The following DAGLA variants were observed in gnomAD, a reference collection of about 807,000 sequenced individuals.
DAGLA encodes the protein diacylglycerol lipase-alpha.
Under a neutral mutation model 102.6 loss-of-function variants are expected in DAGLA, and 22 were observed. The observed-to-expected ratio is 0.21, with a 90% CI of 0.15 to 0.31. DAGLA has a LOEUF of 0.31. DAGLA is among the 10% of genes least tolerant of loss of function. The probability of loss-of-function intolerance (pLI) is 1.00; values close to 1 mark genes in which losing one functional copy is unlikely to be tolerated. For synonymous variants in DAGLA, 578 were observed against 628.9 expected (o/e 0.92, Z 1.21); for missense variants, 927 against 1,446.6 (o/e 0.64, Z 5.83).
intron 1 of DAGLA, among the ~76,000 whole-genome samples, chr11:61,697,636 A>G (rs1169613248): frequency 6.6e-6 from 1 of 152,040 alleles, no homozygotes; most frequent in African/African-American, 2.4e-5. Flanking sequence ...TCAGTGGCTC[A>G]GAGGTTCCTT....
At chr11:61,739,152 C>T (rs1278090030) in intron 16 of DAGLA, among the ~76,000 whole-genome samples, 1 of 152,226 alleles carries the variant, frequency 6.6e-6, no homozygotes, top group Non-Finnish European at 1.5e-5. Flanking sequence ...CTTCCCCTCA[C>T]TAGGCCTGTC....
chr11:61,728,810 T>C, intron 7 of DAGLA, 121 bp from the exon 8 acceptor site: 1 of 773,486 alleles, frequency 1.3e-6, no homozygotes, highest in Non-Finnish European at 2.2e-6. Context: ...AGAAGCTGCA[T>C]GCTCGTTTGG....
At position 61,734,976 on chromosome 11, in the gene DAGLA, A is replaced by G. The variant is rs774054041; in HGVS notation, c.1102A>G (p.Ile368Val). 10 of 1,613,832 alleles carry G rather than the reference A, an allele frequency of 6.2e-6. No homozygotes were observed. Among genetic ancestry groups the G allele is most frequent in the Non-Finnish European group, 8.5e-6 (10 of 1,179,938 alleles). ...GGACGAGAACATGACTGCGGTGGAC[A>G]TCGTCTATACCTCCTGCCATGATGC... ...FLDENMTAVD[I>V]VYTSCHDAVY... Residue 368 changes from isoleucine (I) to valine (V), a missense_variant, in exon 10 of 20, where the codon ATC (isoleucine) becomes GTC (valine). Ile to Val is a conservative substitution (Grantham distance 29). Transcript: ENST00000257215. This position sits in a 1 kb window ranked among gnomAD's most constrained non-coding sequence, Gnocchi z 4.2.
In DAGLA at chr11:61,686,314, C is replaced by T. The variant is rs971516861; in HGVS notation, c.-45+5810C>T. Among the ~76,000 whole-genome samples the T allele has an allele frequency of 4.6e-5, 7 of 152,144 alleles. No individual in the cohort carries two copies. The highest frequency in any genetic ancestry group is 9.7e-5 in the African/African-American group (4 of 41,420). Reference sequence around the variant, plus strand: ...CTTGACTTTCAGCGGGTCTGACTCCCGTCAGTGCTGGGCGGGAGTGTGAAC... The same window carrying T: ...CTTGACTTTCAGCGGGTCTGACTCCTGTCAGTGCTGGGCGGGAGTGTGAAC... On this transcript the variant is annotated intron_variant, in intron 1 of 19. Transcript: ENST00000257215. This position sits in a 1 kb window ranked among gnomAD's most constrained non-coding sequence, Gnocchi z 5.2.
intron 17 of DAGLA, among the ~76,000 whole-genome samples, chr11:61,740,068 G>A (rs1417928791): frequency 2.6e-5 from 4 of 152,242 alleles, no homozygotes; most frequent in Admixed American, 2.0e-4. Flanking sequence ...TGGGGGCTGC[G>A]CCAGGAGAGA....
Position 61,680,512 on chromosome 11 carries a change from G to C in DAGLA, c.-45+8G>C, listed in dbSNP as rs2064932115. The C allele has an allele frequency of 1.3e-5, 2 of 150,142 alleles. No individual in the cohort carries two copies. Among genetic ancestry groups the C allele is most frequent in the African/African-American group, 2.4e-5 (1 of 40,982 alleles). 9.3% of individuals were successfully genotyped at this position (150,142 alleles called of 1,614,324 possible). On this transcript the variant is annotated splice_region_variant and intron_variant, in intron 1 of 19. Coordinates refer to ENST00000257215, the MANE Select transcript of DAGLA (RefSeq NM_006133.3). ...CCCTGCGGCGGGCGGGAGGTAAGGG[G>C]GGCCTCCGGCGCGGCGGGCCGGTCC...
At chr11:61,704,586 G>C (rs2065134844) in intron 1 of DAGLA, among the ~76,000 whole-genome samples, 1 of 152,152 alleles carries the variant, frequency 6.6e-6, no homozygotes, top group African/African-American at 2.4e-5. Flanking sequence ...GAGAGTGAGG[G>C]GTGGGGAAGA....
chr11:61,717,044 A>G (rs1242918943), intron 1 of DAGLA, among the ~76,000 whole-genome samples: 1 of 152,048 alleles, frequency 6.6e-6, no homozygotes, highest in Non-Finnish European at 1.5e-5. Flanking sequence ...CTGGTGTGGG[A>G]TAGGAAGGGC....
chr11:61,690,700 C>T (rs936334711), intron 1 of DAGLA, among the ~76,000 whole-genome samples: 8 of 152,128 alleles, frequency 5.3e-5, no homozygotes, highest in East Asian at 3.9e-4. Context: ...ACTCAGGTTC[C>T]GTCTGTCTGG....
In DAGLA at chr11:61,731,303, C is replaced by G; in HGVS notation, c.850-14C>G. 6.2e-7 allele frequency: 1 copy of G among 1,613,252 alleles called. No individual in the cohort carries two copies. The highest frequency in any genetic ancestry group is 2.2e-5 in the East Asian group (1 of 44,850). On this transcript the variant is annotated splice_polypyrimidine_tract_variant and intron_variant, in intron 8 of 19. Coordinates refer to ENST00000257215, the MANE Select transcript of DAGLA (RefSeq NM_006133.3). ...AGGGCAGGAGGTGACCGCCCTCTGC[C>G]TCCTCTCTTCTAGCAAGAGATGCTC...
intron 1 of DAGLA, among the ~76,000 whole-genome samples, chr11:61,712,725 CT>C (rs1335259485): frequency 1.3e-5 from 2 of 152,222 alleles, no homozygotes; most frequent in African/African-American, 4.8e-5. Flanking sequence ...CTTGTCACCT[CT>C]CCCCTCCTGT....
chr11:61,712,591 C>G (rs576968510), intron 1 of DAGLA, among the ~76,000 whole-genome samples: 124 of 152,336 alleles, frequency 8.1e-4, no homozygotes, highest in African/African-American at 2.9e-3. Flanking sequence ...GCCTTCTGCT[C>G]TAGCGCAGCT....
chr11:61,691,226 A>G (rs1402062028), intron 1 of DAGLA, among the ~76,000 whole-genome samples: 4 of 152,228 alleles, frequency 2.6e-5, no homozygotes, highest in Non-Finnish European at 5.9e-5. Context: ...GTGCTTTATA[A>G]AAGTTTAACC....
intron 1 of DAGLA, among the ~76,000 whole-genome samples, chr11:61,718,983 G>A (rs903830806): frequency 2.6e-5 from 4 of 152,008 alleles, no homozygotes; most frequent in Admixed American, 2.6e-4. Context: ...AGGATCTGCC[G>A]CCTGCCCCGG....
At chr11:61,720,282 GGTTT>G in intron 2 of DAGLA, 32 bp downstream of exon 2, 1 of 1,602,318 alleles carries the variant, frequency 6.2e-7, no homozygotes, top group East Asian at 2.2e-5. Context: ...CACAGGCCTG[GGTTT>G]GGAGAGAAAG....
At chr11:61,682,861 A>T (rs1445987884) in intron 1 of DAGLA, among the ~76,000 whole-genome samples, 3 of 123,042 alleles carry the variant, frequency 2.4e-5, no homozygotes, top group Admixed American at 8.1e-5. Flanking sequence ...CGGGGGGGGG[A>T]GGTGTGGAGG....
At chr11:61,697,394 G>A (rs548528517) in intron 1 of DAGLA, among the ~76,000 whole-genome samples, 4 of 152,154 alleles carry the variant, frequency 2.6e-5, no homozygotes, top group Non-Finnish European at 4.4e-5. Context: ...CTCAGTCCTC[G>A]GAAATGCATC....
chr11:61,722,232 G>A (rs962902041), intron 3 of DAGLA, among the ~76,000 whole-genome samples: 1 of 152,242 alleles, frequency 6.6e-6, no homozygotes, highest in African/African-American at 2.4e-5. Flanking sequence ...GAGAGATTAG[G>A]AAACTTGCCT....
chr11:61,738,150 G>A lies in DAGLA; in HGVS notation c.1599G>A (p.Gln533=), dbSNP rs1441821227. ...CCCTCCCCAGGATTGGCCTCTCTCAGCTGGAAGGCTTCCGCAGACAGCTCC... is the reference window on the plus strand; with the variant it reads ...CCCTCCCCAGGATTGGCCTCTCTCAACTGGAAGGCTTCCGCAGACAGCTCC... ...KDLVPRIGLS[Q]LEGFRRQLLD... Residue 533 remains glutamine (Q), a synonymous_variant, in exon 16 of 20, where the codon CAG becomes CAA. Coordinates refer to ENST00000257215, the MANE Select transcript of DAGLA (RefSeq NM_006133.3). The A allele has an allele frequency of 1.2e-6, 2 of 1,613,594 alleles. No homozygotes were observed. Among genetic ancestry groups the A allele is most frequent in the Admixed American group, 3.3e-5 (2 of 60,024 alleles).
Sources: allele counts gnomAD v4.1 joint callset (sites outside exome capture counted in the v4.1 genomes callset), GRCh38; gene constraint gnomAD v4.1.1; non-coding constraint Gnocchi (gnomAD v3.1); transcripts MANE v1.5; gene names NCBI Gene and HGNC (gene_info 2026-07-23, HGNC 2026-07-21).